The following WDPCP variants were observed in gnomAD, a reference collection of about 807,000 sequenced individuals.
WDPCP encodes WD repeat-containing and planar cell polarity effector protein fritz homolog.
A neutral mutation model predicts 93.1 loss-of-function variants in WDPCP; 71 were observed. The ratio of observed to expected loss-of-function variants is 0.76; its 90% CI spans 0.63 to 0.93. The LOEUF (loss-of-function observed/expected upper bound fraction) is 0.93, where lower values mean the gene tolerates loss of function less well. Among genes scored for constraint, WDPCP ranks in the 40% least tolerant of loss-of-function variants. The pLI, the probability that WDPCP is intolerant of heterozygous loss-of-function variation, is 0.00. For missense variants in WDPCP, 844 were observed against 887.4 expected, an observed-to-expected ratio of 0.95 and a Z score of 0.62; for synonymous variants, 315 against 315.0, an observed-to-expected ratio of 1.00 and a Z score of 0.00.
chr2:63,328,027 T>C (rs559476743), intron 12 of WDPCP, among the ~76,000 whole-genome samples: 13 of 152,204 alleles, frequency 8.5e-5, no homozygotes, highest in South Asian at 4.1e-4. Flanking sequence ...CCAACAGCAA[T>C]TGGGGTGTCC....
chr2:63,464,896 G>A (rs956537441), intron 6 of WDPCP, among the ~76,000 whole-genome samples: 1 of 151,970 alleles, frequency 6.6e-6, no homozygotes, highest in Admixed American at 6.6e-5. Context: ...GGGGGAAAAG[G>A]GGGCATTGTT....
At chr2:63,733,063 A>C (rs558808191) in intron 2 of WDPCP, among the ~76,000 whole-genome samples, 1 of 152,300 alleles carries the variant, frequency 6.6e-6, no homozygotes, top group Non-Finnish European at 1.5e-5. Context: ...TTCTGTTTTG[A>C]TGAACAACTA....
chr2:63,815,003 T>C (rs1238676762), intron 1 of WDPCP, among the ~76,000 whole-genome samples: 1 of 152,226 alleles, frequency 6.6e-6, no homozygotes, highest in Admixed American at 6.5e-5. Flanking sequence ...ACTGTATCTA[T>C]ACTTTTCTAA....
intron 12 of WDPCP, among the ~76,000 whole-genome samples, chr2:63,377,402 G>A (rs1691931524): frequency 6.6e-6 from 1 of 150,970 alleles, no homozygotes; most frequent in Non-Finnish European, 1.5e-5. Context: ...ACTTTCCATT[G>A]TATAACATGT....
At chr2:63,663,027 TG>T (rs1432007712) in intron 2 of WDPCP, among the ~76,000 whole-genome samples, 1 of 152,176 alleles carries the variant, frequency 6.6e-6, no homozygotes, top group Non-Finnish European at 1.5e-5. Context: ...TACCTCAAGG[TG>T]AACAGCCCTA....
chr2:63,347,916 A>G (rs1689310902), intron 12 of WDPCP, among the ~76,000 whole-genome samples: 1 of 152,174 alleles, frequency 6.6e-6, no homozygotes, highest in African/African-American at 2.4e-5. Context: ...ATCATCAGCT[A>G]GATGTCAGCT....
the WDPCP span, among the ~76,000 whole-genome samples, chr2:63,838,218 A>G: frequency 6.6e-6 from 1 of 152,232 alleles, no homozygotes; most frequent in Non-Finnish European, 1.5e-5. Context: ...CACTGTGCCA[A>G]GCATTAAATC....
chr2:63,727,511 A>C (rs1299733593), intron 2 of WDPCP, among the ~76,000 whole-genome samples: 1 of 151,726 alleles, frequency 6.6e-6, no homozygotes, highest in Admixed American at 6.6e-5. Flanking sequence ...ATTTTTCTTT[A>C]TTTGTTTGTT....
upstream of WDPCP, chr2:63,593,386 C>T: frequency 2.7e-6 from 1 of 364,786 alleles, no homozygotes. Context: ...GAGCCACCAT[C>T]CCTGGCCTGA....
chr2:63,723,838 T>G (rs567830438), intron 2 of WDPCP, among the ~76,000 whole-genome samples: 1 of 152,070 alleles, frequency 6.6e-6, no homozygotes, highest in African/African-American at 2.4e-5. Flanking sequence ...AGAAGAAAAA[T>G]TTCCCATAAC....
rs141753058 is a variant in WDPCP at position 63,342,980 on chromosome 2, A to C, written c.1749-29669T>G. ...AATTCTCCCTCATTTTTAAGAGATAATTTTGCTGGATATAAAATTCTTTGT... is the reference window on the plus strand; with the variant it reads ...AATTCTCCCTCATTTTTAAGAGATACTTTTGCTGGATATAAAATTCTTTGT... On this transcript the variant is annotated intron_variant, in intron 12 of 17. Transcript: ENST00000272321. 2.2e-3 allele frequency among the ~76,000 whole-genome samples: 328 copies of C among 151,878 alleles called. 1 individual carries two copies. The highest frequency in any genetic ancestry group is 3.2e-3 in the Non-Finnish European group (220 of 67,968).
At chr2:63,743,503 T>A (rs1558899990) in intron 2 of WDPCP, among the ~76,000 whole-genome samples, 1 of 152,110 alleles carries the variant, frequency 6.6e-6, no homozygotes, top group Non-Finnish European at 1.5e-5. Context: ...AAAAAATACA[T>A]CAAGATATAC....
intron 14 of WDPCP, among the ~76,000 whole-genome samples, chr2:63,194,931 A>G (rs1331253339): frequency 6.6e-6 from 1 of 152,208 alleles, no homozygotes; most frequent in African/African-American, 2.4e-5. Context: ...TTTCAGTAGT[A>G]ATCAGATGGT....
chr2:63,677,372 A>G (rs1442958758), intron 2 of WDPCP, among the ~76,000 whole-genome samples: 1 of 152,204 alleles, frequency 6.6e-6, no homozygotes, highest in Non-Finnish European at 1.5e-5. Context: ...TAATAGACAC[A>G]GATCCACAGA....
chr2:63,828,062 C>T (rs1446437210), upstream of WDPCP, among the ~76,000 whole-genome samples: 1 of 152,146 alleles, frequency 6.6e-6, no homozygotes, highest in African/African-American at 2.4e-5. Context: ...GGCTAATACA[C>T]AGGGGCCATC....
chr2:63,727,230 A>G (rs1436397074), intron 2 of WDPCP, among the ~76,000 whole-genome samples: 2 of 152,088 alleles, frequency 1.3e-5, no homozygotes, highest in Non-Finnish European at 2.9e-5. Flanking sequence ...TTTGATGCCT[A>G]GTTTGTTGAG....
At chr2:63,451,663 AT>A (rs1698257702) in intron 6 of WDPCP, among the ~76,000 whole-genome samples, 1 of 152,222 alleles carries the variant, frequency 6.6e-6, no homozygotes, top group African/African-American at 2.4e-5. Flanking sequence ...TTAGACCAAT[AT>A]CCCTGATGAA....
At chr2:63,573,342 AC>A (rs1322868184) in intron 1 of WDPCP, among the ~76,000 whole-genome samples, 1 of 152,142 alleles carries the variant, frequency 6.6e-6, no homozygotes, top group Non-Finnish European at 1.5e-5. Context: ...GAACGGAGGG[AC>A]CGGCTGAAGC....
At chr2:63,455,543 A>G (rs1698566779) in intron 6 of WDPCP, among the ~76,000 whole-genome samples, 1 of 151,984 alleles carries the variant, frequency 6.6e-6, no homozygotes, top group Non-Finnish European at 1.5e-5. Context: ...CAGATAAAAC[A>G]GACTTTAACT....
Sources: gnomAD v4.1 joint callset for allele counts (sites outside exome capture counted in the v4.1 genomes callset) on GRCh38, gnomAD v4.1.1 for gene constraint, MANE v1.5 for transcripts, NCBI Gene and HGNC (gene_info 2026-07-23, HGNC 2026-07-21) for gene names.